DST: variants seen among roughly 807,000 people sequenced by gnomAD.
The protein encoded by DST is dystonin, also known as bullous pemphigoid antigen.
DST carries 253 observed loss-of-function variants against 875.2 expected under a neutral mutation model. That is an observed-to-expected ratio of 0.29 (90% CI 0.26 to 0.32). DST has a LOEUF of 0.32. DST is among the 10% of genes least tolerant of loss of function. The probability of loss-of-function intolerance (pLI) is 1.00; values close to 1 mark genes in which losing one functional copy is unlikely to be tolerated. For missense variants in DST, 8,287 were observed against 9,111.6 expected (o/e 0.91, Z 3.68); for synonymous variants, 3,124 against 3,197.1 (o/e 0.98, Z 0.77).
chr6:56,617,988 C>T (rs750750158), intron 36 of DST: 7 of 1,613,020 alleles, frequency 4.3e-6, no homozygotes, highest in Admixed American at 1.7e-5. Flanking sequence ...GAGTATACCT[C>T]TAAGGGTGTC....
In DST at chr6:56,482,593, G is replaced by C. The variant is rs569751398; in HGVS notation, c.21402+90C>G. 2.6e-4 allele frequency: 337 copies of C among 1,319,758 alleles called. 4 individuals are homozygous for C. In the South Asian group the frequency reaches 3.9e-3, roughly 15 times the overall value. 81.8% of individuals were successfully genotyped at this position (1,319,758 alleles called of 1,614,324 possible). ...CTTCAGACTGTCCTGATTGAGACAC[G>C]AGGGCCTCACAATTTTTTACTAGAA... is the stretch of plus-strand genomic sequence containing the variant. On this transcript the variant is annotated intron_variant, in intron 89 of 103. Coordinates refer to ENST00000680361, the MANE Select transcript of DST (RefSeq NM_001374736.1).
At chr6:56,879,157 G>C (rs1780838111) in intron 3 of DST, among the ~76,000 whole-genome samples, 1 of 152,080 alleles carries the variant, frequency 6.6e-6, no homozygotes, top group Admixed American at 6.5e-5. Flanking sequence ...AACTTTCTAC[G>C]TATCTTACTG....
At chr6:56,778,405 T>C (rs1010117393) in intron 4 of DST, among the ~76,000 whole-genome samples, 1 of 151,664 alleles carries the variant, frequency 6.6e-6, no homozygotes, top group Non-Finnish European at 1.5e-5. Flanking sequence ...AATTATACTT[T>C]AAGTTTTAGG....
At chr6:56,859,407 T>G (rs1175915272) in intron 3 of DST, among the ~76,000 whole-genome samples, 2 of 152,200 alleles carry the variant, frequency 1.3e-5, no homozygotes, top group Non-Finnish European at 2.9e-5. Flanking sequence ...ATCTTTTTTT[T>G]GCAAGTCCAC....
chr6:56,472,302 G>C, intron 93 of DST, 80 bp from the exon 94 acceptor site: 18 of 1,278,770 alleles, frequency 1.4e-5, no homozygotes, highest in Non-Finnish European at 1.8e-5. Context: ...TTTGCTTCTA[G>C]CTAAGACTGC....
intron 4 of DST, among the ~76,000 whole-genome samples, chr6:56,763,943 C>T (rs550800309): frequency 1.3e-5 from 2 of 152,178 alleles, no homozygotes; most frequent in Admixed American, 6.5e-5. Flanking sequence ...AATGAAACTA[C>T]ATACTATAAA....
chr6:56,779,741 ATACTT>A (rs1364529257), intron 4 of DST, among the ~76,000 whole-genome samples: 1 of 149,556 alleles, frequency 6.7e-6, no homozygotes, highest in Non-Finnish European at 1.5e-5. Context: ...TTTTAATATT[ATACTT>A]TAAGTTTTAG....
At chr6:56,789,375 A>G (rs949722493) in intron 4 of DST, among the ~76,000 whole-genome samples, 1 of 152,218 alleles carries the variant, frequency 6.6e-6, no homozygotes, top group Non-Finnish European at 1.5e-5. Context: ...ATAGTTATAT[A>G]TGCATATGTA....
At position 56,487,143 on chromosome 6, in the gene DST, C is replaced by G; in HGVS notation, c.21008G>C (p.Arg7003Thr). The G allele has an allele frequency of 1.2e-6, 2 of 1,613,960 alleles. No individual in the cohort carries two copies. The highest frequency in any genetic ancestry group is 8.5e-7 in the Non-Finnish European group (1 of 1,179,864). ...TCCACATATGGTATCCCATTTGTCTCTGAGTTCACTCAGCATGTCATCCAG... is the reference window on the plus strand; with the variant it reads ...TCCACATATGGTATCCCATTTGTCTGTGAGTTCACTCAGCATGTCATCCAG... Reference protein sequence around the residue: ...LKLDDMLSELRDKWDTICGKS... With the variant: ...LKLDDMLSELTDKWDTICGKS... Residue 7003 changes from arginine (R) to threonine (T), a missense_variant, in exon 87 of 104, where the codon AGA (arginine) becomes ACA (threonine). Arg to Thr is a moderately conservative substitution (Grantham distance 71). Around this residue, in one of 10 missense-constraint regions of DST, gnomAD observed 1,292 missense variants for 1,552.7 expected, o/e 0.83. Transcript: ENST00000680361.
intron 3 of DST, among the ~76,000 whole-genome samples, chr6:56,870,528 C>A (rs1024121844): frequency 4.0e-5 from 6 of 151,504 alleles, no homozygotes; most frequent in African/African-American, 1.5e-4. Flanking sequence ...TTTGGGAGAC[C>A]GAGGTGGGCA....
intron 4 of DST, among the ~76,000 whole-genome samples, chr6:56,830,679 C>G (rs888210422): frequency 6.6e-6 from 1 of 152,126 alleles, no homozygotes; most frequent in East Asian, 1.9e-4. Flanking sequence ...TAACTAAATC[C>G]TCTACAGTCA....
chr6:56,873,742 T>C (rs994195680), intron 3 of DST, among the ~76,000 whole-genome samples: 1 of 152,054 alleles, frequency 6.6e-6, no homozygotes, highest in Non-Finnish European at 1.5e-5. Context: ...TGAAGAGAGG[T>C]TGGTTAATGA....
intron 5 of DST, among the ~76,000 whole-genome samples, chr6:56,732,243 T>A (rs933022663): frequency 3.3e-5 from 5 of 152,194 alleles, no homozygotes; most frequent in Admixed American, 2.6e-4. Context: ...TAGAGTGGCA[T>A]ACACTTGGTT....
intron 2 of DST, among the ~76,000 whole-genome samples, chr6:56,930,902 T>A (rs1809848163): frequency 6.6e-6 from 1 of 152,168 alleles, no homozygotes; most frequent in African/African-American, 2.4e-5. Context: ...AACCCTTGCA[T>A]GAAAACATGT....
At chr6:56,872,367 A>T (rs1350404891) in intron 3 of DST, among the ~76,000 whole-genome samples, 1 of 152,154 alleles carries the variant, frequency 6.6e-6, no homozygotes, top group Non-Finnish European at 1.5e-5. Flanking sequence ...TAAAATTAAA[A>T]TTTTTTAAGC....
chr6:56,917,179 T>C (rs1801679044), intron 2 of DST, among the ~76,000 whole-genome samples: 2 of 152,142 alleles, frequency 1.3e-5, no homozygotes, highest in African/African-American at 2.4e-5. Flanking sequence ...ATTTGGTCTG[T>C]GTTCAAGTCT....
chr6:56,686,292 T>C (rs2099186727), intron 9 of DST, among the ~76,000 whole-genome samples: 1 of 152,158 alleles, frequency 6.6e-6, no homozygotes, highest in South Asian at 2.1e-4. Context: ...ACACTGGGTA[T>C]TCCAAAAGTG....
chr6:56,584,509 T>G (rs1488140020), intron 49 of DST, among the ~76,000 whole-genome samples: 1 of 150,058 alleles, frequency 6.7e-6, no homozygotes, highest in Admixed American at 6.6e-5. Context: ...GCCATGGGGT[T>G]TTCTAGATAT....
intron 4 of DST, among the ~76,000 whole-genome samples, chr6:56,818,289 T>C (rs1008940989): frequency 6.6e-6 from 1 of 152,006 alleles, no homozygotes; most frequent in Admixed American, 6.6e-5. Context: ...ACCACTGTTA[T>C]CATGAAGGGA....
Sources: gnomAD v4.1 joint callset for allele counts (sites outside exome capture counted in the v4.1 genomes callset) on GRCh38, gnomAD v4.1.1 for gene constraint, gnomAD v4.1.1 regional missense constraint, MANE v1.5 for transcripts, NCBI Gene and HGNC (gene_info 2026-07-23, HGNC 2026-07-21) for gene names.